Variants in PCMTD1 observed in about 807,000 individuals in gnomAD.
The protein encoded by PCMTD1 is protein-L-isoaspartate (D-aspartate) O-methyltransferase domain containing 1, also known as protein-L-isoaspartate O-methyltransferase domain-containing protein 1.
A neutral mutation model predicts 37.6 loss-of-function variants in PCMTD1; 12 were observed. The ratio of observed to expected loss-of-function variants is 0.32; its 90% confidence interval spans 0.20 to 0.52. The LOEUF (loss-of-function observed/expected upper bound fraction) is 0.52, where lower values mean the gene tolerates loss of function less well. PCMTD1 is among the 20% of genes least tolerant of loss of function. The probability of loss-of-function intolerance (pLI) is 0.97; values close to 1 mark genes in which losing one functional copy is unlikely to be tolerated. For missense variants in PCMTD1, 235 were observed against 421.3 expected (o/e 0.56, Z 3.87); for synonymous variants, 117 against 135.8 (o/e 0.86, Z 0.96).
At chr8:51,866,348 A>T (rs945119413) in intron 1 of PCMTD1, among the ~76,000 whole-genome samples, 1 of 151,860 alleles carries the variant, frequency 6.6e-6, no homozygotes, top group Non-Finnish European at 1.5e-5. Context: ...GAAGAAAACT[A>T]GAGGCCTCAC....
intron 1 of PCMTD1, among the ~76,000 whole-genome samples, chr8:51,898,014 T>C (rs550708962): frequency 7.3e-4 from 111 of 151,834 alleles, no homozygotes; most frequent in Non-Finnish European, 1.4e-3. Context: ...AGGAGAAATA[T>C]GGGGGGAAGG....
chr8:51,841,598 T>C (rs547669784), intron 3 of PCMTD1, among the ~76,000 whole-genome samples: 4 of 152,342 alleles, frequency 2.6e-5, no homozygotes, highest in African/African-American at 7.2e-5. Flanking sequence ...ATACTAATAA[T>C]TCATTTTGAA....
At chr8:51,866,180 T>C (rs1013470303) in intron 1 of PCMTD1, among the ~76,000 whole-genome samples, 2 of 151,774 alleles carry the variant, frequency 1.3e-5, no homozygotes, top group African/African-American at 4.8e-5. Flanking sequence ...AATGGAAAGG[T>C]ATTCCATATT....
At chr8:51,848,748 C>CA (rs1203763858) in intron 2 of PCMTD1, among the ~76,000 whole-genome samples, 4 of 151,936 alleles carry the variant, frequency 2.6e-5, no homozygotes, top group Non-Finnish European at 5.9e-5. Flanking sequence ...ATTTGACAAA[C>CA]AATATAAATA....
intron 1 of PCMTD1, among the ~76,000 whole-genome samples, chr8:51,893,518 T>C (rs1021285515): frequency 1.3e-5 from 2 of 152,174 alleles, no homozygotes; most frequent in Non-Finnish European, 2.9e-5. Context: ...TTCACATCTA[T>C]GCAAGCTTAA....
In PCMTD1 at chr8:51,818,660, AACCCC is replaced by A. The variant is rs1315022549; in HGVS notation, c.*1686_*1690del. The A allele has an allele frequency of 6.6e-6, 1 of 152,338 alleles. No homozygotes were observed. The highest frequency in any genetic ancestry group is 1.9e-4 in the East Asian group (1 of 5,210). The allele number at this position is 152,338 out of a possible 1,614,324, so 9.4% of individuals were successfully genotyped here. On this transcript the variant is annotated 3_prime_UTR_variant, in exon 6 of 6. Transcript: ENST00000522514. ...ATCGTCTAAGAATAATTGTAGAAAT[AACCCC>A]AATTCCACCATCCCAGCCACTGGTA... is the stretch of plus-strand genomic sequence containing the variant.
chr8:51,895,617 G>A (rs146993785), intron 1 of PCMTD1, among the ~76,000 whole-genome samples: 61 of 152,168 alleles, frequency 4.0e-4, no homozygotes, highest in African/African-American at 1.4e-3. Context: ...ATTAATTTTT[G>A]AGAATACACA....
intron 1 of PCMTD1, among the ~76,000 whole-genome samples, chr8:51,886,057 T>C (rs376585245): frequency 6.6e-6 from 1 of 152,218 alleles, no homozygotes; most frequent in Non-Finnish European, 1.5e-5. Flanking sequence ...CACAAGGCTC[T>C]TTCCTCCAAA....
Position 51,893,548 on chromosome 8 carries a change from A to T in PCMTD1, c.-96+5382T>A, listed in dbSNP as rs926178256. Reference sequence around the variant, plus strand: ...GCTTAAAGAAACTGTAAGATCAGAGAGTTTATGAGAATATTGCAGCTCATT... The same window carrying T: ...GCTTAAAGAAACTGTAAGATCAGAGTGTTTATGAGAATATTGCAGCTCATT... On this transcript the variant is annotated intron_variant, in intron 1 of 5. Coordinates refer to ENST00000522514, the MANE Select transcript of PCMTD1 (RefSeq NM_052937.4). 5.9e-5 allele frequency among the ~76,000 whole-genome samples: 9 copies of T among 152,334 alleles called. No homozygotes were observed. In the East Asian group the frequency reaches 1.7e-3, roughly 29 times the overall value.
rs542854235 is a variant in PCMTD1 at position 51,848,668 on chromosome 8, G to T, written c.308-2905C>A. On this transcript the variant is annotated intron_variant, in intron 2 of 5. Coordinates refer to ENST00000522514, the MANE Select transcript of PCMTD1 (RefSeq NM_052937.4). Reference sequence around the variant, plus strand: ...TTCTTAATTTTTTTAAACATAACTTGTTTTTCATACTACCTTGACACAAGA... The same window carrying T: ...TTCTTAATTTTTTTAAACATAACTTTTTTTTCATACTACCTTGACACAAGA... 2.6e-5 allele frequency among the ~76,000 whole-genome samples: 4 copies of T among 152,124 alleles called. No individual in the cohort carries two copies. In the East Asian group the frequency reaches 7.7e-4, roughly 29 times the overall value.
At chr8:51,879,305 A>T (rs1227983484) in intron 1 of PCMTD1, among the ~76,000 whole-genome samples, 1 of 152,172 alleles carries the variant, frequency 6.6e-6, no homozygotes, top group Non-Finnish European at 1.5e-5. Flanking sequence ...AAAAAGTGGC[A>T]TGACTAAAAA....
chr8:51,819,633 G>A lies in PCMTD1; in HGVS notation c.*718C>T, dbSNP rs2037814968. ...TTTTTTAAATACTGAAAATGTAAAG[G>A]GTCCATATAAAGAGTTGTATTAAGT... On this transcript the variant is annotated 3_prime_UTR_variant, in exon 6 of 6. Transcript: ENST00000522514. The A allele has an allele frequency of 6.6e-6, 1 of 152,204 alleles. No individual in the cohort carries two copies. The highest frequency in any genetic ancestry group is 1.5e-5 in the Non-Finnish European group (1 of 67,970). 9.4% of individuals were successfully genotyped at this position (152,204 alleles called of 1,614,324 possible). A position where few individuals can be genotyped will look rare whatever the true frequency, so the allele number is the denominator to read the frequency against.
At chr8:51,865,512 G>A (rs539535062) in intron 1 of PCMTD1, among the ~76,000 whole-genome samples, 1 of 152,164 alleles carries the variant, frequency 6.6e-6, no homozygotes, top group Admixed American at 6.5e-5. Flanking sequence ...TACAAGGATT[G>A]TTGAATATAC....
intron 1 of PCMTD1, among the ~76,000 whole-genome samples, chr8:51,879,956 G>C (rs2038768726): frequency 1.3e-5 from 2 of 152,002 alleles, no homozygotes; most frequent in Admixed American, 6.5e-5. Flanking sequence ...GCCAAGGCTG[G>C]AGGATTGCTT....
Position 51,818,409 on chromosome 8 carries a change from C to CAAAAAAAAAAAAAAAAA in PCMTD1, c.*1925_*1941dup, listed in dbSNP as rs35041148. The CAAAAAAAAAAAAAAAAA allele has an allele frequency of 7.2e-6, 1 of 138,066 alleles. No individual in the cohort carries two copies. Among genetic ancestry groups the CAAAAAAAAAAAAAAAAA allele is most frequent in the Non-Finnish European group, 1.6e-5 (1 of 63,810 alleles). 8.6% of individuals were successfully genotyped at this position (138,066 alleles called of 1,614,324 possible). A position where few individuals can be genotyped will look rare whatever the true frequency, so the allele number is the denominator to read the frequency against. On this transcript the variant is annotated 3_prime_UTR_variant, in exon 6 of 6. Transcript: ENST00000522514. ...GCATCATCTAAACAGCAGCTCCAAC[C>CAAAAAAAAAAAAAAAAA]AAAAAAAAAAAAAAAAACAAGCAGG...
intron 2 of PCMTD1, among the ~76,000 whole-genome samples, chr8:51,846,980 C>G (rs1373225207): frequency 6.6e-6 from 1 of 152,138 alleles, no homozygotes; most frequent in South Asian, 2.1e-4. Flanking sequence ...ATTCATCAAA[C>G]CACAACAGAA....
chr8:51,886,507 T>C (rs543462501), intron 1 of PCMTD1, among the ~76,000 whole-genome samples: 71 of 152,314 alleles, frequency 4.7e-4, no homozygotes, highest in African/African-American at 1.7e-3. Context: ...TTGATTCATC[T>C]GCCCAGTATA....
intron 1 of PCMTD1, among the ~76,000 whole-genome samples, chr8:51,862,992 C>T (rs1414043704): frequency 1.3e-5 from 2 of 151,662 alleles, no homozygotes; most frequent in Non-Finnish European, 2.9e-5. Flanking sequence ...GCTGTGGCAT[C>T]TCAACTTGCT....
chr8:51,891,698 A>ATG (rs2038939161), intron 1 of PCMTD1, among the ~76,000 whole-genome samples: 1 of 144,712 alleles, frequency 6.9e-6, no homozygotes, highest in Non-Finnish European at 1.5e-5. Flanking sequence ...ATATATATGT[A>ATG]TATATATATA....
Sources: allele counts gnomAD v4.1 joint callset (sites outside exome capture counted in the v4.1 genomes callset), GRCh38; gene constraint gnomAD v4.1.1; transcripts MANE v1.5; gene names NCBI Gene and HGNC (gene_info 2026-07-23, HGNC 2026-07-21).